ATP2C2: variants seen among roughly 807,000 people sequenced by gnomAD.
ATP2C2 encodes calcium-transporting ATPase type 2C member 2.
In ATP2C2, 171 loss-of-function variants were observed where a neutral mutation model predicts 110.8. That is an observed-to-expected ratio of 1.54 (90% confidence interval 1.36 to 1.75). The LOEUF is 1.75. Ranked by LOEUF, ATP2C2 falls within the 40% of genes most tolerant of loss-of-function variation. The pLI, the probability that ATP2C2 is intolerant of heterozygous loss-of-function variation, is 0.00. For synonymous variants in ATP2C2, 804 were observed against 508.4 expected, an observed-to-expected ratio of 1.58 and a Z score of -7.82; for missense variants, 1,963 against 1,235.0, an observed-to-expected ratio of 1.59 and a Z score of -8.84.
intron 10 of ATP2C2, 151 bp downstream of exon 10, chr16:84,423,414 C>T: frequency 1.4e-6 from 1 of 710,140 alleles, no homozygotes; most frequent in Non-Finnish European, 2.4e-6. Flanking sequence ...GCAACAAGAG[C>T]TTTCTGTATA....
At chr16:84,448,137 T>C (rs1909928801) in intron 16 of ATP2C2, among the ~76,000 whole-genome samples, 1 of 152,044 alleles carries the variant, frequency 6.6e-6, no homozygotes, top group Non-Finnish European at 1.5e-5. Context: ...GGGTACAAAA[T>C]AGACTTGGTG....
At chr16:84,432,174 A>G (rs1908337693) in intron 11 of ATP2C2, among the ~76,000 whole-genome samples, 1 of 152,084 alleles carries the variant, frequency 6.6e-6, no homozygotes, top group African/African-American at 2.4e-5. Context: ...TGAATAAGCT[A>G]TTTAGTGGTG....
chr16:84,441,456 A>ATGAG (rs1423308086), intron 14 of ATP2C2, among the ~76,000 whole-genome samples: 1 of 152,000 alleles, frequency 6.6e-6, no homozygotes, highest in Non-Finnish European at 1.5e-5. Context: ...TGTTGCTGTG[A>ATGAG]TGAGTCCTGC....
chr16:84,444,184 AC>A (rs1432834488), intron 15 of ATP2C2, among the ~76,000 whole-genome samples: 68 of 134,806 alleles, frequency 5.0e-4, no homozygotes, highest in African/African-American at 1.1e-3. Context: ...AAAAAAAAAA[AC>A]AAAAAGATTG....
At chr16:84,414,812 T>C (rs17741422) in intron 6 of ATP2C2, among the ~76,000 whole-genome samples, 22,812 of 151,846 alleles carry the variant, frequency 0.15, 1,824 homozygotes, top group Non-Finnish European at 0.17. Context: ...GTGGAGGAGA[T>C]CTTTGAGTTT....
intron 11 of ATP2C2, among the ~76,000 whole-genome samples, chr16:84,430,639 C>A (rs369906565): frequency 2.5e-3 from 303 of 123,514 alleles, no homozygotes; most frequent in African/African-American, 3.1e-3. Flanking sequence ...GACACCATCT[C>A]AAAAAAAAAA....
At chr16:84,442,689 G>C in intron 15 of ATP2C2, 90 bp downstream of exon 15, 3 of 1,272,696 alleles carry the variant, frequency 2.4e-6, no homozygotes, top group Non-Finnish European at 3.4e-6. Flanking sequence ...GAGCTAACAG[G>C]AGTGGGGACG....
chr16:84,381,878 G>A (rs1175083619), intron 1 of ATP2C2, among the ~76,000 whole-genome samples: 1 of 152,176 alleles, frequency 6.6e-6, no homozygotes, highest in Non-Finnish European at 1.5e-5. Flanking sequence ...AGAAAATGAA[G>A]TAACTTGCCC....
At position 84,454,806 on chromosome 16, in the gene ATP2C2, C is replaced by T. The variant is rs1910635380; in HGVS notation, c.1981-12C>T. ...TCAGGCTGCAGGCCTTCATTGCCTG[C>T]TCTTTCCAAAGGCTCTGCAGGAGTC... is the stretch of plus-strand genomic sequence containing the variant. On this transcript the variant is annotated splice_polypyrimidine_tract_variant and intron_variant, in intron 20 of 26. Coordinates refer to ENST00000262429, the MANE Select transcript of ATP2C2 (RefSeq NM_014861.4). 1 of 1,575,046 alleles carries T rather than the reference C, an allele frequency of 6.3e-7. No homozygotes were observed. Among genetic ancestry groups the T allele is most frequent in the Non-Finnish European group, 8.6e-7 (1 of 1,162,212 alleles).
intron 1 of ATP2C2, among the ~76,000 whole-genome samples, chr16:84,385,748 A>C (rs1362781214): frequency 2.0e-5 from 3 of 152,336 alleles, no homozygotes; most frequent in East Asian, 1.9e-4. Flanking sequence ...CAAAGGGGGA[A>C]GCCCCATATG....
At chr16:84,405,676 T>C (rs988716392) in intron 3 of ATP2C2, among the ~76,000 whole-genome samples, 2 of 152,268 alleles carry the variant, frequency 1.3e-5, no homozygotes, top group African/African-American at 4.8e-5. Flanking sequence ...TCCAAGCACT[T>C]TGGGCGGCTG....
At chr16:84,381,768 T>C (rs1597733212) in intron 1 of ATP2C2, among the ~76,000 whole-genome samples, 1 of 152,166 alleles carries the variant, frequency 6.6e-6, no homozygotes, top group Non-Finnish European at 1.5e-5. Context: ...AGTTAGTTGG[T>C]TTCCTTTTTT....
chr16:84,447,376 T>A (rs982671454), intron 16 of ATP2C2, among the ~76,000 whole-genome samples: 1 of 152,154 alleles, frequency 6.6e-6, no homozygotes, highest in East Asian at 1.9e-4. Context: ...TGAAAAAGTA[T>A]AGAAATATGA....
chr16:84,412,408 ATG>A (rs556304371), intron 6 of ATP2C2, among the ~76,000 whole-genome samples: 187 of 79,048 alleles, frequency 2.4e-3, no homozygotes, highest in Non-Finnish European at 3.6e-3. Context: ...GTGTCTGTGC[ATG>A]TGTCTGTGTA....
At chr16:84,421,541 G>T (rs1035667708) in intron 7 of ATP2C2, among the ~76,000 whole-genome samples, 4 of 152,176 alleles carry the variant, frequency 2.6e-5, no homozygotes, top group Admixed American at 6.5e-5. Context: ...ACATGACCAG[G>T]TCCCTAGGGA....
chr16:84,381,700 G>C (rs1386741409), intron 1 of ATP2C2, among the ~76,000 whole-genome samples: 1 of 152,198 alleles, frequency 6.6e-6, no homozygotes, highest in Non-Finnish European at 1.5e-5. Flanking sequence ...AGTGTATGTG[G>C]GTCAACACAT....
chr16:84,415,600 T>C lies in ATP2C2; in HGVS notation c.624+9T>C, dbSNP rs3826145. 0.16 allele frequency: 254,635 copies of C among 1,600,658 alleles called. 20,993 individuals are homozygous for C. Among genetic ancestry groups the C allele is most frequent in the South Asian group, 0.21 (19,205 of 89,666 alleles). On this transcript the variant is annotated intron_variant, in intron 7 of 26. Coordinates refer to ENST00000262429, the MANE Select transcript of ATP2C2 (RefSeq NM_014861.4). The stretch of plus-strand genomic sequence containing the variant: ...ACATCCGACTCACTGAGGTGAGTGG[T>C]TCCAAACCCTTGTCAATGGGGTATT...
chr16:84,399,962 G>A (rs1009241466), intron 2 of ATP2C2, among the ~76,000 whole-genome samples: 4 of 152,106 alleles, frequency 2.6e-5, no homozygotes, highest in African/African-American at 9.7e-5. Flanking sequence ...CATGAGTTCA[G>A]TTATTTTAAT....
At chr16:84,455,070 A>C (rs546247316) in intron 21 of ATP2C2, 86 bp downstream of exon 21, 2 of 1,198,578 alleles carry the variant, frequency 1.7e-6, no homozygotes, top group Non-Finnish European at 2.3e-6. Flanking sequence ...GTGGAGATAG[A>C]GGGGGGGGTC....
Sources: gnomAD v4.1 joint callset for allele counts (sites outside exome capture counted in the v4.1 genomes callset) on GRCh38, gnomAD v4.1.1 for gene constraint, MANE v1.5 for transcripts, NCBI Gene and HGNC (gene_info 2026-07-23, HGNC 2026-07-21) for gene names.